ACAT1: variants seen among roughly 807,000 people sequenced by gnomAD.
ACAT1 encodes the protein acetyl-CoA acetyltransferase, mitochondrial.
Under a neutral mutation model 47.3 loss-of-function variants are expected in ACAT1, and 28 were observed. The ratio of observed to expected loss-of-function variants is 0.59; its 90% confidence interval spans 0.44 to 0.81. The LOEUF (loss-of-function observed/expected upper bound fraction) is 0.81, where lower values mean the gene tolerates loss of function less well. Among genes scored for constraint, ACAT1 ranks in the 30% least tolerant of loss-of-function variants. The probability of loss-of-function intolerance (pLI) is 0.00; values close to 1 mark genes in which losing one functional copy is unlikely to be tolerated. For missense variants in ACAT1, 469 were observed against 524.3 expected (o/e 0.89, Z 1.03); for synonymous variants, 181 against 173.6 (o/e 1.04, Z -0.34).
intron 5 of ACAT1, 173 bp from the exon 6 acceptor site, chr11:108,138,725 C>T: frequency 2.7e-6 from 2 of 753,632 alleles, no homozygotes; most frequent in Non-Finnish European, 4.5e-6. Context: ...TTATTTAACA[C>T]CATTTCTTTT....
intron 1 of ACAT1, among the ~76,000 whole-genome samples, chr11:108,123,694 T>G (rs373244578): frequency 4.6e-5 from 7 of 152,176 alleles, no homozygotes; most frequent in East Asian, 3.8e-4. Flanking sequence ...TAATTATTTT[T>G]TTAAATCTAT....
Position 108,135,246 on chromosome 11 carries a change from A to G in ACAT1, c.435+4A>G, listed in dbSNP as rs1424341036. The G allele has an allele frequency of 1.9e-6, 3 of 1,592,804 alleles. No homozygotes were observed. The East Asian group carries it at 6.7e-5, about 36-fold the overall frequency. On this transcript the variant is annotated splice_donor_region_variant and intron_variant, in intron 5 of 11. Transcript: ENST00000265838. The stretch of plus-strand genomic sequence containing the variant: ...AAGTCTTATGTGTGGACATCAGGTA[A>G]GAAACACCGTCCTTCCCATTTATTA...
chr11:108,141,550 C>A, intron 7 of ACAT1, 55 bp from the exon 8 acceptor site: 2 of 1,363,980 alleles, frequency 1.5e-6, no homozygotes, highest in Non-Finnish European at 2.1e-6. Flanking sequence ...ACAACAGTTG[C>A]TTGCTGAATG....
upstream of ACAT1, among the ~76,000 whole-genome samples, chr11:108,120,161 G>A (rs1242114501): frequency 6.6e-6 from 1 of 151,862 alleles, no homozygotes; most frequent in East Asian, 1.9e-4. Context: ...AGTCAAGATC[G>A]CGCCTGGGTG....
At position 108,135,530 on chromosome 11, in the gene ACAT1, G is replaced by GA. The variant is rs34242002; in HGVS notation, c.435+300dup. On this transcript the variant is annotated intron_variant, in intron 5 of 11. Transcript: ENST00000265838. ...CATAGCAAGCGAGACTCTGCTCTTT[G>GA]AAAAAAAAAAAAGCCTAAGTGTCTT... Among the ~76,000 whole-genome samples, 5,625 of 140,482 alleles carry GA rather than the reference G, an allele frequency of 0.04. 173 individuals carry two copies. Among genetic ancestry groups the GA allele is most frequent in the African/African-American group, 0.085 (3,254 of 38,456 alleles). The allele number at this position is 140,482 out of a possible 152,430, so 92.2% of individuals were successfully genotyped here.
At chr11:108,134,889 G>A (rs888627366) in intron 4 of ACAT1, among the ~76,000 whole-genome samples, 2 of 144,776 alleles carry the variant, frequency 1.4e-5, no homozygotes, top group African/African-American at 5.2e-5. Context: ...AGCTTGCAGT[G>A]AGCCCAGATC....
At chr11:108,129,610 G>A (rs934190811) in intron 1 of ACAT1, among the ~76,000 whole-genome samples, 13 of 151,996 alleles carry the variant, frequency 8.6e-5, no homozygotes, top group Non-Finnish European at 2.9e-5. Context: ...CTCATTATCC[G>A]CCCGCCTCAG....
At chr11:108,120,683 G>A (rs558428139), upstream of ACAT1, among the ~76,000 whole-genome samples, 1 of 152,318 alleles carries the variant, frequency 6.6e-6, no homozygotes, top group South Asian at 2.1e-4. Context: ...AGCTGGAGTG[G>A]TTGAAGGTTG....
chr11:108,141,514 G>A (rs1167488600), intron 7 of ACAT1, 91 bp from the exon 8 acceptor site: 1 of 874,944 alleles, frequency 1.1e-6, no homozygotes, highest in Non-Finnish European at 1.9e-6. Context: ...GATACAAAGG[G>A]AGGCACAGAC....
upstream of ACAT1, among the ~76,000 whole-genome samples, chr11:108,116,750 G>T (rs779414673): frequency 5.4e-4 from 82 of 152,236 alleles, no homozygotes; most frequent in Admixed American, 1.6e-3. Flanking sequence ...GAAGACAGGG[G>T]TTGGACTGAT....
intron 8 of ACAT1, 112 bp from the exon 9 acceptor site, chr11:108,142,325 T>C: frequency 4.9e-6 from 4 of 811,822 alleles, no homozygotes; most frequent in East Asian, 2.7e-5. Flanking sequence ...TCCACCCATA[T>C]TTGTAATTTC....
At chr11:108,126,624 TG>T (rs897383438) in intron 1 of ACAT1, among the ~76,000 whole-genome samples, 2 of 151,900 alleles carry the variant, frequency 1.3e-5, no homozygotes, top group Non-Finnish European at 2.9e-5. Flanking sequence ...GAACAAGAGA[TG>T]GTGGCTTGGA....
intron 1 of ACAT1, among the ~76,000 whole-genome samples, chr11:108,131,106 C>T (rs2077348675): frequency 6.6e-6 from 1 of 152,060 alleles, no homozygotes; most frequent in Admixed American, 6.6e-5. Flanking sequence ...GTAGTAGGGG[C>T]AAGATGTTTA....
At chr11:108,131,167 T>C (rs1424531867) in intron 1 of ACAT1, among the ~76,000 whole-genome samples, 1 of 152,112 alleles carries the variant, frequency 6.6e-6, no homozygotes, top group Non-Finnish European at 1.5e-5. Context: ...GTCATATTTA[T>C]ATGAGATGTG....
chr11:108,125,631 A>G (rs932049103), intron 1 of ACAT1, among the ~76,000 whole-genome samples: 1 of 152,220 alleles, frequency 6.6e-6, no homozygotes, highest in South Asian at 2.1e-4. Context: ...GTCATTAGAA[A>G]AGACATGAAG....
chr11:108,142,952 TTTAA>T (rs1302205214), intron 9 of ACAT1: 2 of 197,656 alleles, frequency 1.0e-5, no homozygotes, highest in African/African-American at 2.3e-5. Context: ...TGTGGCAGAA[TTTAA>T]TTGATACATA....
At chr11:108,142,230 G>T (rs368687222) in intron 8 of ACAT1, among the ~76,000 whole-genome samples, 13 of 152,306 alleles carry the variant, frequency 8.5e-5, no homozygotes, top group African/African-American at 2.9e-4. Context: ...TGATGTTTGA[G>T]AAAACTGTTT....
chr11:108,129,355 A>G (rs1403452730), intron 1 of ACAT1, among the ~76,000 whole-genome samples: 3 of 152,024 alleles, frequency 2.0e-5, no homozygotes, highest in African/African-American at 7.2e-5. Flanking sequence ...TGCGTGTGCA[A>G]GTGTCTTTTT....
At chr11:108,135,916 G>A (rs973463354) in intron 5 of ACAT1, among the ~76,000 whole-genome samples, 1 of 152,180 alleles carries the variant, frequency 6.6e-6, no homozygotes, top group South Asian at 2.1e-4. Context: ...GCCAGAATAA[G>A]ACAGGTTTTC....
Sources: allele counts gnomAD v4.1 joint callset (sites outside exome capture counted in the v4.1 genomes callset), GRCh38; gene constraint gnomAD v4.1.1; transcripts MANE v1.5; gene names NCBI Gene and HGNC (gene_info 2026-07-23, HGNC 2026-07-21).